The following IQSEC1 variants were observed in gnomAD, a reference collection of about 807,000 sequenced individuals.
IQSEC1 encodes the protein IQ motif and Sec7 domain ArfGEF 1, also known as IQ motif and SEC7 domain-containing protein 1.
In IQSEC1, 31 loss-of-function variants were observed where a neutral mutation model predicts 91.0. The ratio of observed to expected loss-of-function variants is 0.34; its 90% CI spans 0.26 to 0.46. The LOEUF is 0.46. Ranked by LOEUF, IQSEC1 falls within the 20% of genes least tolerant of loss-of-function variation. The pLI is 1.00. For synonymous variants in IQSEC1, 699 were observed against 662.6 expected (o/e 1.05, Z -0.84); for missense variants, 1,388 against 1,575.6 (o/e 0.88, Z 2.02).
At chr3:13,004,611 A>G (rs1702556054) in intron 1 of IQSEC1, among the ~76,000 whole-genome samples, 2 of 152,304 alleles carry the variant, frequency 1.3e-5, no homozygotes, top group East Asian at 1.9e-4. Flanking sequence ...TGGGGCCCAC[A>G]GGCTTCGAAA....
chr3:13,134,902 G>A (rs559464157), intron 2 of IQSEC1, among the ~76,000 whole-genome samples: 358 of 152,228 alleles, frequency 2.4e-3, no homozygotes, highest in African/African-American at 7.9e-3. Flanking sequence ...AGGCAGGCCC[G>A]GGCCTGCCAT....
chr3:13,073,996 G>A (rs1391530466), upstream of IQSEC1, among the ~76,000 whole-genome samples: 4 of 152,326 alleles, frequency 2.6e-5, no homozygotes, highest in South Asian at 8.3e-4. Flanking sequence ...GAGAATTTCT[G>A]GTCTAGCTAT....
chr3:13,121,335 T>C (rs1193035813), intron 2 of IQSEC1, among the ~76,000 whole-genome samples: 1 of 152,160 alleles, frequency 6.6e-6, no homozygotes, highest in Non-Finnish European at 1.5e-5. Flanking sequence ...CCCAGCTACC[T>C]GAAGAAGCCA....
chr3:13,182,892 C>T (rs1337704143), intron 1 of IQSEC1, among the ~76,000 whole-genome samples: 2 of 152,194 alleles, frequency 1.3e-5, no homozygotes, highest in Non-Finnish European at 2.9e-5. Flanking sequence ...AGGCCGGTCG[C>T]AGTGGCTCAC....
rs886487096 is a variant in IQSEC1 at position 12,899,143 on chromosome 3, T to G, written c.*1840A>C. 24 of 553,112 alleles carry G rather than the reference T, an allele frequency of 4.3e-5. No individual in the cohort carries two copies. The African/African-American group carries it at 4.3e-4, about 10-fold the overall frequency. 34.3% of individuals were successfully genotyped at this position (553,112 alleles called of 1,614,324 possible). ...TTGCAGATTTGCTGGTACGGTGATC[T>G]CAATGATATGACCGAGGGTGGGAGG... On this transcript the variant is annotated 3_prime_UTR_variant, in exon 14 of 14. Coordinates refer to ENST00000613206, the MANE Select transcript of IQSEC1 (RefSeq NM_001134382.3).
rs879469350 is a variant in IQSEC1 at position 13,119,073 on chromosome 3, CA to C, written c.302+45030del. On this transcript the variant is annotated intron_variant, in intron 2 of 15. Transcript: ENST00000648114. ...CTGGCAACAGAGCAAGACTCTGTCTCAAAAAAAAAAAATGGTGAAAATGGCA... is the reference window on the plus strand; with the variant it reads ...CTGGCAACAGAGCAAGACTCTGTCTCAAAAAAAAAAATGGTGAAAATGGCA... Among the ~76,000 whole-genome samples, 1,102 of 131,192 alleles carry C rather than the reference CA, an allele frequency of 8.4e-3. 12 individuals are homozygous for C. Among genetic ancestry groups the C allele is most frequent in the African/African-American group, 0.025 (872 of 35,440 alleles). The allele number at this position is 131,192 out of a possible 152,430, so 86.1% of individuals were successfully genotyped here.
intron 1 of IQSEC1, among the ~76,000 whole-genome samples, chr3:13,272,999 G>A (rs1037924877): frequency 1.1e-4 from 16 of 152,186 alleles, no homozygotes; most frequent in Non-Finnish European, 2.1e-4. Context: ...AACAGAGAAA[G>A]AAGAAACAAT....
At chr3:13,197,391 C>T (rs1694154523) in intron 1 of IQSEC1, among the ~76,000 whole-genome samples, 1 of 152,194 alleles carries the variant, frequency 6.6e-6, no homozygotes, top group Non-Finnish European at 1.5e-5. Context: ...TGGACAGGCA[C>T]TGAGTTCCCA....
At chr3:13,164,232 C>T (rs575322091) in intron 1 of IQSEC1, among the ~76,000 whole-genome samples, 1 of 152,182 alleles carries the variant, frequency 6.6e-6, no homozygotes, top group Non-Finnish European at 1.5e-5. Flanking sequence ...CCCAGCTGCT[C>T]CCAGCATCCC....
chr3:13,250,153 AG>A, intron 1 of IQSEC1, among the ~76,000 whole-genome samples: 1 of 152,190 alleles, frequency 6.6e-6, no homozygotes, highest in East Asian at 1.9e-4. Context: ...ACAGGCTTTC[AG>A]GGGACACAGC....
At chr3:13,189,419 G>C (rs1693984293) in intron 1 of IQSEC1, among the ~76,000 whole-genome samples, 2 of 152,120 alleles carry the variant, frequency 1.3e-5, no homozygotes, top group African/African-American at 4.8e-5. Flanking sequence ...CTCCTCCCCA[G>C]ATGCCCTGGG....
chr3:13,116,454 C>T (rs1283723108), intron 2 of IQSEC1, among the ~76,000 whole-genome samples: 1 of 152,158 alleles, frequency 6.6e-6, no homozygotes, highest in Non-Finnish European at 1.5e-5. Flanking sequence ...AATAAACCCT[C>T]GCATATACAG....
chr3:13,240,403 C>G (rs1695001258), intron 1 of IQSEC1, among the ~76,000 whole-genome samples: 1 of 151,930 alleles, frequency 6.6e-6, no homozygotes, highest in Non-Finnish European at 1.5e-5. Flanking sequence ...AAATTAAAAC[C>G]CTGAGCCATT....
Position 12,941,969 on chromosome 3 carries a change from G to A in IQSEC1, c.24-104C>T, listed in dbSNP as rs113873693. On this transcript the variant is annotated intron_variant, in intron 1 of 13. Coordinates refer to ENST00000613206, the MANE Select transcript of IQSEC1 (RefSeq NM_001134382.3). ...ACCATGCTCCTGGAGGAGCCCCCAT[G>A]CCCGTTCTTCTCACACCCCATGGCT... is the stretch of plus-strand genomic sequence containing the variant. The A allele has an allele frequency of 4.1e-5, 46 of 1,111,736 alleles. No individual in the cohort carries two copies. The African/African-American group carries it at 6.3e-4, about 15-fold the overall frequency. 68.9% of individuals were successfully genotyped at this position (1,111,736 alleles called of 1,614,324 possible).
chr3:13,020,351 A>C (rs537829918), intron 1 of IQSEC1, among the ~76,000 whole-genome samples: 13 of 152,202 alleles, frequency 8.5e-5, no homozygotes, highest in Non-Finnish European at 1.9e-4. Flanking sequence ...TCATCCCAAG[A>C]GAACACTTTA....
intron 2 of IQSEC1, among the ~76,000 whole-genome samples, chr3:13,097,671 C>G (rs1705988159): frequency 6.6e-6 from 1 of 152,232 alleles, no homozygotes; most frequent in African/African-American, 2.4e-5. Context: ...CCATGCTTTT[C>G]TCTACATTTT....
intron 1 of IQSEC1, among the ~76,000 whole-genome samples, chr3:13,237,893 CA>C: frequency 6.6e-6 from 1 of 152,214 alleles, no homozygotes. Flanking sequence ...CAAGCCCAGG[CA>C]GGGGGCGGGC....
chr3:13,025,414 A>G (rs1167497161), intron 1 of IQSEC1, among the ~76,000 whole-genome samples: 2 of 152,248 alleles, frequency 1.3e-5, no homozygotes, highest in African/African-American at 4.8e-5. Context: ...CTTTGAGGGC[A>G]GGGCACAGCT....
At chr3:13,263,106 TG>T (rs1695416872) in intron 1 of IQSEC1, among the ~76,000 whole-genome samples, 1 of 152,004 alleles carries the variant, frequency 6.6e-6, no homozygotes, top group Admixed American at 6.6e-5. Flanking sequence ...AGAAATTAAC[TG>T]GGTGCAGTGG....
Sources: gnomAD v4.1 joint callset for allele counts (sites outside exome capture counted in the v4.1 genomes callset) on GRCh38, gnomAD v4.1.1 for gene constraint, MANE v1.5 for transcripts, NCBI Gene and HGNC (gene_info 2026-07-23, HGNC 2026-07-21) for gene names.